Variants in PHYHIPL observed in about 807,000 individuals in gnomAD.
PHYHIPL encodes phytanoyl-CoA 2-hydroxylase interacting protein like.
PHYHIPL carries 9 observed loss-of-function variants against 33.4 expected under a neutral mutation model. The observed-to-expected ratio is 0.27, with a 90% CI of 0.16 to 0.47. The LOEUF (loss-of-function observed/expected upper bound fraction) is 0.47, where lower values mean the gene tolerates loss of function less well. PHYHIPL is among the 20% of genes least tolerant of loss of function. The pLI is 0.99. For missense variants in PHYHIPL, 365 were observed against 460.7 expected (o/e 0.79, Z 1.90); for synonymous variants, 153 against 154.1 (o/e 0.99, Z 0.05).
chr10:59,228,336 G>GT (rs1231005442), intron 1 of PHYHIPL, among the ~76,000 whole-genome samples: 3 of 152,034 alleles, frequency 2.0e-5, no homozygotes, highest in Non-Finnish European at 2.9e-5. Flanking sequence ...AGTGATATTT[G>GT]TTTTTTCCTA....
At chr10:59,238,490 C>T (rs1393769722) in intron 3 of PHYHIPL, 98 bp from the exon 4 acceptor site, 8 of 611,418 alleles carry the variant, frequency 1.3e-5, no homozygotes, top group Non-Finnish European at 2.3e-5. Flanking sequence ...AAGTTGAATT[C>T]CCTAGAGGTG....
At chr10:59,243,822 T>C (rs973149733) in intron 4 of PHYHIPL, among the ~76,000 whole-genome samples, 1 of 151,970 alleles carries the variant, frequency 6.6e-6, no homozygotes, top group Non-Finnish European at 1.5e-5. Flanking sequence ...TTAACAAAAC[T>C]ACCCCTTCAT....
chr10:59,197,583 G>C (rs1838953746), intron 1 of PHYHIPL, among the ~76,000 whole-genome samples: 1 of 152,028 alleles, frequency 6.6e-6, no homozygotes, highest in Non-Finnish European at 1.5e-5. Context: ...TATAATGCAT[G>C]TCTGTACCTT....
At chr10:59,226,481 G>A (rs888331997) in intron 1 of PHYHIPL, among the ~76,000 whole-genome samples, 1 of 152,096 alleles carries the variant, frequency 6.6e-6, no homozygotes, top group African/African-American at 2.4e-5. Flanking sequence ...GAGTCAGGTG[G>A]ATGTAATGAA....
chr10:59,197,190 C>T (rs1838944841), intron 1 of PHYHIPL, among the ~76,000 whole-genome samples: 1 of 152,136 alleles, frequency 6.6e-6, no homozygotes, highest in South Asian at 2.1e-4. Flanking sequence ...GATAAAAATC[C>T]CTTGAATTCT....
intron 1 of PHYHIPL, among the ~76,000 whole-genome samples, chr10:59,210,446 G>A (rs1471444119): frequency 1.3e-5 from 2 of 152,182 alleles, no homozygotes; most frequent in Non-Finnish European, 2.9e-5. Context: ...GAGAGGATGT[G>A]CAGAAATAGG....
At chr10:59,199,895 C>T (rs1325792516) in intron 1 of PHYHIPL, among the ~76,000 whole-genome samples, 1 of 152,088 alleles carries the variant, frequency 6.6e-6, no homozygotes, top group African/African-American at 2.4e-5. Flanking sequence ...GTGATTTTTG[C>T]ACCTTGATTT....
intron 1 of PHYHIPL, among the ~76,000 whole-genome samples, chr10:59,182,113 A>G (rs1041578374): frequency 3.3e-5 from 5 of 152,156 alleles, no homozygotes; most frequent in African/African-American, 1.2e-4. Flanking sequence ...AACAGCAGCT[A>G]TGTCACTCAT....
upstream of PHYHIPL, among the ~76,000 whole-genome samples, chr10:59,175,269 T>C (rs982470241): frequency 2.6e-5 from 4 of 152,234 alleles, no homozygotes; most frequent in Non-Finnish European, 5.9e-5. Flanking sequence ...ACTTTTCACT[T>C]TAAGATGCCT....
rs1195445059 is a variant in PHYHIPL, at chr10:59,245,224, C to A, written c.764C>A (p.Ala255Asp). Residue 255 changes from alanine (A) to aspartate (D), a missense_variant, in exon 5 of 5, where the codon GCC (alanine) becomes GAC (aspartate). By Grantham distance (126) the Ala-to-Asp change is moderately radical. Coordinates refer to ENST00000373880, the MANE Select transcript of PHYHIPL (RefSeq NM_032439.4). ...TATGGAAGATACAGGTTTGAGATTGCCGCAGAAAAACTTTTTAACCCCAAT... is the reference window on the plus strand; with the variant it reads ...TATGGAAGATACAGGTTTGAGATTGACGCAGAAAAACTTTTTAACCCCAAT... The part of the protein sequence containing the change: ...SPYGRYRFEI[A>D]AEKLFNPNTN... 2 of 1,614,132 alleles carry A rather than the reference C, an allele frequency of 1.2e-6. No homozygotes were observed. The highest frequency in any genetic ancestry group is 2.2e-5 in the East Asian group (1 of 44,868).
chr10:59,219,930 A>T (rs191195044), intron 1 of PHYHIPL, among the ~76,000 whole-genome samples: 1 of 152,302 alleles, frequency 6.6e-6, no homozygotes, highest in Admixed American at 6.5e-5. Flanking sequence ...GGACAGGTAC[A>T]TGAAAAAGCA....
intron 1 of PHYHIPL, among the ~76,000 whole-genome samples, chr10:59,199,530 G>T (rs973056785): frequency 6.6e-6 from 1 of 152,094 alleles, no homozygotes; most frequent in South Asian, 2.1e-4. Flanking sequence ...GATTGTCTTG[G>T]CAATGAGGGC....
chr10:59,243,649 T>A (rs1053764838), intron 4 of PHYHIPL, among the ~76,000 whole-genome samples: 1 of 152,170 alleles, frequency 6.6e-6, no homozygotes, highest in Admixed American at 6.5e-5. Flanking sequence ...GGCATTTCAC[T>A]GACCCATAAA....
At chr10:59,226,177 T>C (rs762776184) in intron 1 of PHYHIPL, among the ~76,000 whole-genome samples, 7 of 152,122 alleles carry the variant, frequency 4.6e-5, no homozygotes, top group Admixed American at 1.3e-4. Context: ...AATAATGTTA[T>C]ACTAATTTTA....
rs548086931 is a variant in PHYHIPL, at chr10:59,203,215, A to G, written c.106+26256A>G. Reference sequence around the variant, plus strand: ...AGAAATGCAAATCAAAACCACAATGAGATACCATCTCACACCAGTTAGAAT... The same window carrying G: ...AGAAATGCAAATCAAAACCACAATGGGATACCATCTCACACCAGTTAGAAT... On this transcript the variant is annotated intron_variant, in intron 1 of 4. Transcript: ENST00000373880. Among the ~76,000 whole-genome samples, 821 of 152,320 alleles carry G rather than the reference A, an allele frequency of 5.4e-3. 3 individuals are homozygous for G. The highest frequency in any genetic ancestry group is 0.019 in the Admixed American group (293 of 15,276).
chr10:59,187,411 T>G (rs1360921643), intron 1 of PHYHIPL, among the ~76,000 whole-genome samples: 2 of 152,212 alleles, frequency 1.3e-5, no homozygotes, highest in Non-Finnish European at 2.9e-5. Flanking sequence ...ATCAAGGATA[T>G]TGGTCTAAAA....
intron 1 of PHYHIPL, among the ~76,000 whole-genome samples, chr10:59,194,076 A>G (rs945703055): frequency 8.1e-5 from 11 of 135,406 alleles, no homozygotes; most frequent in African/African-American, 2.8e-4. Flanking sequence ...TTCTTTACCT[A>G]TATGTTTTTT....
chr10:59,195,635 GGAGTGACCTTCCT>G (rs1838891208), intron 1 of PHYHIPL, among the ~76,000 whole-genome samples: 1 of 152,160 alleles, frequency 6.6e-6, no homozygotes, highest in Non-Finnish European at 1.5e-5. Flanking sequence ...GGTAGGAGAA[GGAGTGACCTTCCT>G]GCTTCTGTTG....
At chr10:59,179,842 TACACACAC>T (rs147836305) in intron 1 of PHYHIPL, among the ~76,000 whole-genome samples, 3,986 of 134,826 alleles carry the variant, frequency 0.03, 117 homozygotes, top group Admixed American at 0.1. Flanking sequence ...GCAAGACAGT[TACACACAC>T]ACACACACAC....
Sources: allele counts gnomAD v4.1 joint callset (sites outside exome capture counted in the v4.1 genomes callset), GRCh38; gene constraint gnomAD v4.1.1; transcripts MANE v1.5; gene names NCBI Gene and HGNC (gene_info 2026-07-23, HGNC 2026-07-21).